The following CDYL variants were observed in gnomAD, a reference collection of about 807,000 sequenced individuals.
CDYL encodes chromodomain Y-like protein.
Under a neutral mutation model 47.3 loss-of-function variants are expected in CDYL, and 8 were observed. The ratio of observed to expected loss-of-function variants is 0.17; its 90% CI spans 0.10 to 0.31. The LOEUF (loss-of-function observed/expected upper bound fraction) is 0.31, where lower values mean the gene tolerates loss of function less well. Among genes scored for constraint, CDYL ranks in the 10% least tolerant of loss-of-function variants. The probability of loss-of-function intolerance (pLI) is 1.00; values close to 1 mark genes in which losing one functional copy is unlikely to be tolerated. For synonymous variants in CDYL, 266 were observed against 265.0 expected, an observed-to-expected ratio of 1.00 and a Z score of -0.04; for missense variants, 471 against 701.4, an observed-to-expected ratio of 0.67 and a Z score of 3.71.
chr6:4,936,854 G>A (rs1361119926), intron 3 of CDYL, among the ~76,000 whole-genome samples: 2 of 151,966 alleles, frequency 1.3e-5, no homozygotes, highest in African/African-American at 2.4e-5. Flanking sequence ...TCTAAGAGCC[G>A]CAATGGCTGT....
At chr6:4,929,525 C>CACACACACACACACACAT (rs1017452970) in intron 2 of CDYL, among the ~76,000 whole-genome samples, 3 of 147,774 alleles carry the variant, frequency 2.0e-5, no homozygotes, top group African/African-American at 7.9e-5. Flanking sequence ...CACACACACA[C>CACACACACACACACACAT]ATACATACAC....
At chr6:4,895,775 G>A (rs373808981) in intron 2 of CDYL, among the ~76,000 whole-genome samples, 5 of 152,074 alleles carry the variant, frequency 3.3e-5, no homozygotes, top group Admixed American at 1.3e-4. Flanking sequence ...GAAACAATTC[G>A]CAACAAGAAC....
At chr6:4,906,611 A>G (rs1757244895) in intron 2 of CDYL, among the ~76,000 whole-genome samples, 1 of 152,188 alleles carries the variant, frequency 6.6e-6, no homozygotes, top group African/African-American at 2.4e-5. Flanking sequence ...TTTATTATGG[A>G]CTTCAAAGGG....
chr6:4,767,312 C>T (rs1300809323), intron 3 of CDYL, among the ~76,000 whole-genome samples: 1 of 151,490 alleles, frequency 6.6e-6, no homozygotes, highest in Non-Finnish European at 1.5e-5. Flanking sequence ...CAGTGGCTCA[C>T]ACCTGTAACC....
Position 4,776,653 on chromosome 6 carries a change from C to A in CDYL, c.-131C>A. On this transcript the variant is annotated 5_prime_UTR_variant, in exon 1 of 7. Coordinates refer to ENST00000397588, the MANE Select transcript of CDYL (RefSeq NM_004824.4). ...GCGGAGTGCAAGAGGCTCGTCCGTG[C>A]CCAGCGCCCGGCCGGCCGCGGGAGC... The A allele has an allele frequency of 1.3e-6, 1 of 765,816 alleles. No homozygotes were observed. The highest frequency in any genetic ancestry group is 1.8e-6 in the Non-Finnish European group (1 of 565,436). The allele number at this position is 765,816 out of a possible 1,614,324, so 47.4% of individuals were successfully genotyped here. A position where few individuals can be genotyped will look rare whatever the true frequency, so the allele number is the denominator to read the frequency against.
chr6:4,905,509 T>TC (rs1486703861), intron 2 of CDYL, among the ~76,000 whole-genome samples: 1 of 151,972 alleles, frequency 6.6e-6, no homozygotes, highest in Non-Finnish European at 1.5e-5. Context: ...GCAGGGGCAG[T>TC]GGGGGGATAT....
chr6:4,714,641 C>A (rs1486712597), intron 1 of CDYL: 2 of 152,234 alleles, frequency 1.3e-5, no homozygotes, highest in Non-Finnish European at 2.9e-5. Context: ...ACATTCCCTG[C>A]CTTAAAGTCA....
At chr6:4,749,311 G>GGATGGATGGATA (rs1189530645) in intron 3 of CDYL, among the ~76,000 whole-genome samples, 1,802 of 126,300 alleles carry the variant, frequency 0.014, 45 homozygotes, top group African/African-American at 0.044. Flanking sequence ...ATGGATAGAT[G>GGATGGATGGATA]GATGGATGGA....
chr6:4,765,323 A>C (rs1284695431), intron 3 of CDYL, among the ~76,000 whole-genome samples: 2 of 138,254 alleles, frequency 1.4e-5, no homozygotes, highest in Non-Finnish European at 3.0e-5. Flanking sequence ...ACTTCGTCTC[A>C]AAAAAAAAAA....
At chr6:4,834,141 A>G (rs1263082284) in intron 1 of CDYL, among the ~76,000 whole-genome samples, 1 of 151,750 alleles carries the variant, frequency 6.6e-6, no homozygotes, top group Non-Finnish European at 1.5e-5. Flanking sequence ...TATTTTGCTC[A>G]TTAGTTGATG....
intron 1 of CDYL, among the ~76,000 whole-genome samples, chr6:4,850,140 G>C (rs139827960): frequency 2.6e-5 from 4 of 152,326 alleles, no homozygotes; most frequent in African/African-American, 9.6e-5. Flanking sequence ...TAGGATAACT[G>C]TATTTGCTTA....
chr6:4,895,137 GTA>G lies in CDYL; in HGVS notation c.691+2762_691+2763del, dbSNP rs1237677950. 1.0e-4 allele frequency among the ~76,000 whole-genome samples: 5 copies of G among 50,140 alleles called. 2 individuals are homozygous for G. The highest frequency in any genetic ancestry group is 1.4e-3 in the South Asian group (1 of 720). The allele number at this position is 50,140 out of a possible 152,430, so 32.9% of individuals were successfully genotyped here. A position where few individuals can be genotyped will look rare whatever the true frequency, so the allele number is the denominator to read the frequency against. ...TATATGCATATATATGTGCATGTGT[GTA>G]TATGTATCTATACACATACATGTAC... is the stretch of plus-strand genomic sequence containing the variant. On this transcript the variant is annotated intron_variant, in intron 2 of 6. Coordinates refer to ENST00000397588, the MANE Select transcript of CDYL (RefSeq NM_004824.4).
intron 1 of CDYL, among the ~76,000 whole-genome samples, chr6:4,845,003 A>T (rs947358450): frequency 6.6e-6 from 1 of 152,212 alleles, no homozygotes; most frequent in Non-Finnish European, 1.5e-5. Flanking sequence ...CCAATCAAAA[A>T]TAGAAGGGCC....
chr6:4,713,711 C>T (rs1235981899), intron 1 of CDYL, among the ~76,000 whole-genome samples: 2 of 152,072 alleles, frequency 1.3e-5, no homozygotes, highest in African/African-American at 2.4e-5. Context: ...TCTCAGCCCC[C>T]CAAGTAGCTG....
At chr6:4,923,642 C>CT (rs971534482) in intron 2 of CDYL, among the ~76,000 whole-genome samples, 1 of 152,132 alleles carries the variant, frequency 6.6e-6, no homozygotes, top group African/African-American at 2.4e-5. Flanking sequence ...CCTGCATACT[C>CT]TTTTCCATAA....
At chr6:4,872,241 T>TGACC (rs2127473723) in intron 1 of CDYL, among the ~76,000 whole-genome samples, 1 of 152,122 alleles carries the variant, frequency 6.6e-6, no homozygotes, top group East Asian at 1.9e-4. Flanking sequence ...AAACCTGTCA[T>TGACC]GACCTTTACA....
At chr6:4,767,314 C>T (rs564148432) in intron 3 of CDYL, among the ~76,000 whole-genome samples, 57 of 151,716 alleles carry the variant, frequency 3.8e-4, no homozygotes, top group African/African-American at 1.4e-3. Flanking sequence ...GTGGCTCACA[C>T]CTGTAACCCT....
At chr6:4,863,838 C>T (rs1471114707) in intron 1 of CDYL, among the ~76,000 whole-genome samples, 3 of 152,160 alleles carry the variant, frequency 2.0e-5, no homozygotes, top group Non-Finnish European at 2.9e-5. Context: ...ATGTGGGACC[C>T]AAGACCTTGT....
At chr6:4,795,848 G>A (rs180830048) in intron 1 of CDYL, among the ~76,000 whole-genome samples, 135 of 151,986 alleles carry the variant, frequency 8.9e-4, no homozygotes, top group Non-Finnish European at 2.6e-4. Context: ...CATTGAGCTC[G>A]TATTGTTCTT....
Sources: gnomAD v4.1 joint callset for allele counts (sites outside exome capture counted in the v4.1 genomes callset) on GRCh38, gnomAD v4.1.1 for gene constraint, MANE v1.5 for transcripts, NCBI Gene and HGNC (gene_info 2026-07-23, HGNC 2026-07-21) for gene names.